Variants in IMMP1L observed in about 807,000 individuals in gnomAD.
The protein encoded by IMMP1L is inner mitochondrial membrane peptidase subunit 1.
Under a neutral mutation model 21.8 loss-of-function variants are expected in IMMP1L, and 24 were observed. The observed-to-expected ratio is 1.10, with a 90% CI of 0.80 to 1.55. The LOEUF is 1.55. IMMP1L is among the 40% of genes most tolerant of loss of function. The pLI is 0.00. For synonymous variants in IMMP1L, 46 were observed against 62.8 expected, an observed-to-expected ratio of 0.73 and a Z score of 1.26; for missense variants, 195 against 200.7, an observed-to-expected ratio of 0.97 and a Z score of 0.17.
chr11:31,447,877 T>C (rs1953586752), intron 4 of IMMP1L, among the ~76,000 whole-genome samples: 1 of 152,168 alleles, frequency 6.6e-6, no homozygotes, highest in Admixed American at 6.5e-5. Context: ...TGGGCTAAGA[T>C]TAAGTTGTTC....
At chr11:31,505,737 C>A (rs1049646137) in intron 1 of IMMP1L, among the ~76,000 whole-genome samples, 2 of 152,216 alleles carry the variant, frequency 1.3e-5, no homozygotes, top group Non-Finnish European at 1.5e-5. Flanking sequence ...AACCCCTCCT[C>A]TTCCTCCTTC....
chr11:31,506,941 A>G (rs1316610264), intron 1 of IMMP1L, among the ~76,000 whole-genome samples: 1 of 149,294 alleles, frequency 6.7e-6, no homozygotes, highest in African/African-American at 2.5e-5. Context: ...GCCTGGCAAC[A>G]GAGCGAGACT....
intron 1 of IMMP1L, among the ~76,000 whole-genome samples, chr11:31,494,023 G>A (rs1233269507): frequency 6.6e-6 from 1 of 152,210 alleles, no homozygotes; most frequent in Admixed American, 6.5e-5. Flanking sequence ...CACGGTGCAA[G>A]CTGTCAGTGG....
intron 1 of IMMP1L, among the ~76,000 whole-genome samples, chr11:31,492,182 C>T (rs1955278675): frequency 2.0e-5 from 3 of 152,226 alleles, no homozygotes; most frequent in Admixed American, 1.3e-4. Flanking sequence ...TTTGTCACTT[C>T]ATGTACCCAC....
At chr11:31,432,746 A>G (rs1180723987) in intron 5 of IMMP1L, among the ~76,000 whole-genome samples, 178 bp from the exon 6 acceptor site, 1 of 152,224 alleles carries the variant, frequency 6.6e-6, no homozygotes, top group Non-Finnish European at 1.5e-5. Flanking sequence ...ACTTATGTGT[A>G]TATATGTTTA....
chr11:31,448,224 G>C (rs1320811666), intron 4 of IMMP1L, among the ~76,000 whole-genome samples: 2 of 152,154 alleles, frequency 1.3e-5, no homozygotes, highest in Non-Finnish European at 2.9e-5. Flanking sequence ...CAGGAGAATT[G>C]CTTGAACCTC....
Position 31,483,581 on chromosome 11 carries a change from G to A in IMMP1L, c.-29-20276C>T, listed in dbSNP as rs111365505. ...GAGATATCCAGTCTTCGTGTTGGAA[G>A]TAACTGATACTGCTATTATAACACA... On this transcript the variant is annotated intron_variant, in intron 1 of 5. Transcript: ENST00000532287. Among the ~76,000 whole-genome samples, 1,447 of 152,030 alleles carry A rather than the reference G, an allele frequency of 9.5e-3. 27 individuals carry two copies. Among genetic ancestry groups the A allele is most frequent in the African/African-American group, 0.033 (1,388 of 41,528 alleles).
chr11:31,470,811 G>A (rs555033848), intron 1 of IMMP1L, among the ~76,000 whole-genome samples: 15 of 152,124 alleles, frequency 9.9e-5, no homozygotes, highest in Non-Finnish European at 1.3e-4. Flanking sequence ...ATGAAATCCT[G>A]TCAAACAAGG....
intron 3 of IMMP1L, among the ~76,000 whole-genome samples, chr11:31,457,853 T>C (rs1288915325): frequency 6.6e-6 from 1 of 152,194 alleles, no homozygotes; most frequent in Non-Finnish European, 1.5e-5. Flanking sequence ...TGGTAAGAGT[T>C]GAAAGGTAGC....
chr11:31,502,283 C>G (rs1301900944), intron 1 of IMMP1L, among the ~76,000 whole-genome samples: 1 of 152,064 alleles, frequency 6.6e-6, no homozygotes, highest in Non-Finnish European at 1.5e-5. Flanking sequence ...GAACAAGAGC[C>G]ATTAGTAATT....
intron 1 of IMMP1L, among the ~76,000 whole-genome samples, chr11:31,508,866 A>G (rs546457055): frequency 8.0e-4 from 122 of 152,342 alleles, no homozygotes; most frequent in Middle Eastern, 6.8e-3. Flanking sequence ...TCCACACATA[A>G]AATTGGTATT....
In IMMP1L at chr11:31,452,115, C is replaced by T. The variant is rs533907119; in HGVS notation, c.321+4145G>A. The T allele has an allele frequency of 6.3e-5, 40 of 631,150 alleles. 1 individual carries two copies. Among genetic ancestry groups the T allele is most frequent in the Middle Eastern group, 8.2e-4 (1 of 1,226 alleles). 39.1% of individuals were successfully genotyped at this position (631,150 alleles called of 1,614,324 possible). ...GACCAAAGTCTAACTGGAATGAGTT[C>T]GAAAAAATAATATGAAGCTCAGAGT... On this transcript the variant is annotated intron_variant, in intron 4 of 5. Coordinates refer to ENST00000532287, the MANE Select transcript of IMMP1L (RefSeq NM_001304274.2).
At chr11:31,450,280 G>A (rs1179933761) in intron 4 of IMMP1L, among the ~76,000 whole-genome samples, 1 of 152,170 alleles carries the variant, frequency 6.6e-6, no homozygotes. Context: ...AATGAATGTT[G>A]CAAGGGCAAC....
intron 4 of IMMP1L, among the ~76,000 whole-genome samples, chr11:31,449,790 C>A (rs1953677655): frequency 6.6e-6 from 1 of 152,110 alleles, no homozygotes; most frequent in Admixed American, 6.5e-5. Context: ...ATCTATGGTA[C>A]CAAAGACAAC....
chr11:31,462,135 T>C (rs1452004755), intron 2 of IMMP1L, among the ~76,000 whole-genome samples: 8 of 151,976 alleles, frequency 5.3e-5, no homozygotes, highest in Admixed American at 5.2e-4. Context: ...GCCAACATGG[T>C]GAAACGCCAT....
intron 1 of IMMP1L, among the ~76,000 whole-genome samples, chr11:31,467,452 G>C (rs1229470325): frequency 6.6e-6 from 1 of 151,966 alleles, no homozygotes; most frequent in African/African-American, 2.4e-5. Flanking sequence ...CATTCTGAGG[G>C]GTCATCCAAT....
intron 1 of IMMP1L, among the ~76,000 whole-genome samples, chr11:31,503,673 T>G (rs1410301576): frequency 6.6e-6 from 1 of 152,178 alleles, no homozygotes; most frequent in South Asian, 2.1e-4. Flanking sequence ...AGACAACAAC[T>G]ATAAACTCTG....
At chr11:31,467,605 G>A (rs1223071) in intron 1 of IMMP1L, among the ~76,000 whole-genome samples, 1,964 of 152,164 alleles carry the variant, frequency 0.013, 38 homozygotes, top group African/African-American at 0.045. Flanking sequence ...AGATGCATGT[G>A]TTGGGAATAG....
intron 1 of IMMP1L, among the ~76,000 whole-genome samples, chr11:31,495,009 C>T (rs556885873): frequency 1.3e-5 from 2 of 152,166 alleles, no homozygotes; most frequent in Admixed American, 6.6e-5. Context: ...ATTTCTTCCA[C>T]CAGATACCCT....
Sources: allele counts gnomAD v4.1 joint callset (sites outside exome capture counted in the v4.1 genomes callset), GRCh38; gene constraint gnomAD v4.1.1; transcripts MANE v1.5; gene names NCBI Gene and HGNC (gene_info 2026-07-23, HGNC 2026-07-21).